Variants in SYNE1 observed in about 807,000 individuals in gnomAD.
SYNE1 encodes the protein spectrin repeat containing nuclear envelope protein 1.
A neutral mutation model predicts 1,111.0 loss-of-function variants in SYNE1; 616 were observed. The ratio of observed to expected loss-of-function variants is 0.55; its 90% CI spans 0.52 to 0.59. The LOEUF (loss-of-function observed/expected upper bound fraction) is 0.59. Ranked by LOEUF, SYNE1 falls within the 20% of genes least tolerant of loss-of-function variation. The pLI is 0.00. For missense variants in SYNE1, 10,006 were observed against 10,417.0 expected (o/e 0.96, Z 1.72); for synonymous variants, 3,855 against 3,825.8 (o/e 1.01, Z -0.28).
intron 72 of SYNE1, among the ~76,000 whole-genome samples, chr6:152,349,042 A>G (rs1263101329): frequency 6.6e-6 from 1 of 152,172 alleles, no homozygotes; most frequent in Admixed American, 6.5e-5. Flanking sequence ...TTTTTTATTC[A>G]TATTTGTTAA....
chr6:152,136,272 C>T (rs1173168554), intron 141 of SYNE1, among the ~76,000 whole-genome samples: 2 of 152,218 alleles, frequency 1.3e-5, no homozygotes, highest in Non-Finnish European at 2.9e-5. Flanking sequence ...GCAATGCTCA[C>T]TTTGATGTTC....
intron 11 of SYNE1, among the ~76,000 whole-genome samples, chr6:152,491,755 T>C (rs1271833822): frequency 6.6e-6 from 1 of 152,030 alleles, no homozygotes; most frequent in Non-Finnish European, 1.5e-5. Flanking sequence ...AAATCTTCTT[T>C]CTCTCCTGTC....
chr6:152,390,849 C>T, intron 52 of SYNE1, among the ~76,000 whole-genome samples: 1 of 152,120 alleles, frequency 6.6e-6, no homozygotes, highest in East Asian at 1.9e-4. Context: ...GGTTGGTGAT[C>T]TCCTCTGAGC....
intron 3 of SYNE1, among the ~76,000 whole-genome samples, chr6:152,578,678 C>G (rs1428888338): frequency 6.6e-6 from 1 of 152,132 alleles, no homozygotes; most frequent in Non-Finnish European, 1.5e-5. Flanking sequence ...TCAAGATTCC[C>G]TTTGAAATTT....
rs553814895 is a variant in SYNE1 at position 152,214,057 on chromosome 6, C to T, written c.22347-298G>A. On this transcript the variant is annotated intron_variant, in intron 122 of 145. Transcript: ENST00000367255. ...CTCTACTAAAAATACAAAAATTAGCCGGGTGTGGTGGTGTGTGACTGTAAT... is the reference window on the plus strand; with the variant it reads ...CTCTACTAAAAATACAAAAATTAGCTGGGTGTGGTGGTGTGTGACTGTAAT... Among the ~76,000 whole-genome samples, 10 of 151,736 alleles carry T rather than the reference C, an allele frequency of 6.6e-5. No individual in the cohort carries two copies. The South Asian group carries it at 1.0e-3, about 16-fold the overall frequency.
intron 6 of SYNE1, among the ~76,000 whole-genome samples, chr6:152,512,858 A>G (rs2099092159): frequency 6.6e-6 from 1 of 152,196 alleles, no homozygotes; most frequent in African/African-American, 2.4e-5. Flanking sequence ...CTAGGAGGGT[A>G]GGATGGGCAA....
chr6:152,344,002 C>T (rs2096586066), intron 74 of SYNE1, 79 bp downstream of exon 74: 4 of 1,592,920 alleles, frequency 2.5e-6, no homozygotes, highest in Admixed American at 1.7e-5. Flanking sequence ...CAGTTTGGCA[C>T]ATCATAGGTA....
chr6:152,295,841 T>C (rs1248842318), intron 93 of SYNE1, among the ~76,000 whole-genome samples: 1 of 152,216 alleles, frequency 6.6e-6, no homozygotes, highest in East Asian at 1.9e-4. Flanking sequence ...ATTAACATCC[T>C]CTCTGGCTTT....
rs915156416 is a variant in SYNE1, at chr6:152,447,230, G to T, written c.3669+228C>A. On this transcript the variant is annotated intron_variant, in intron 29 of 145. Transcript: ENST00000367255. ...TGGATTTGACAAGTTTTATATTTCA[G>T]ATATAGGTCATGAACCTGAACTAAC... Among the ~76,000 whole-genome samples, 11 of 152,096 alleles carry T rather than the reference G, an allele frequency of 7.2e-5. 1 individual carries two copies. Among genetic ancestry groups the T allele is most frequent in the Admixed American group, 6.5e-4 (10 of 15,276 alleles).
rs1201231446 is a variant in SYNE1 at position 152,290,847 on chromosome 6, C to A, written c.18012+2741G>T. The stretch of plus-strand genomic sequence containing the variant: ...TGCTTGACATTTTTAAAGTACCATT[C>A]CTGAAGCTAAGAACAAATTTAGATA... On this transcript the variant is annotated intron_variant, in intron 95 of 145. Coordinates refer to ENST00000367255, the MANE Select transcript of SYNE1 (RefSeq NM_182961.4). Among the ~76,000 whole-genome samples the A allele has an allele frequency of 2.0e-5, 3 of 151,900 alleles. No individual in the cohort carries two copies. The East Asian group carries it at 5.8e-4, about 29-fold the overall frequency.
chr6:152,352,425 TGGAG>T, intron 69 of SYNE1, 72 bp from the exon 70 acceptor site: 1 of 1,432,154 alleles, frequency 7.0e-7, no homozygotes, highest in Non-Finnish European at 9.6e-7. Flanking sequence ...TTTTTTGAGA[TGGAG>T]TTTCACTTTG....
At chr6:152,375,816 G>A (rs1311786786) in intron 58 of SYNE1, among the ~76,000 whole-genome samples, 1 of 152,078 alleles carries the variant, frequency 6.6e-6, no homozygotes, top group Non-Finnish European at 1.5e-5. Context: ...ATTATTTCCT[G>A]GATCACCATT....
In SYNE1 at chr6:152,377,602, C is replaced by T. The variant is rs185056400; in HGVS notation, c.9010-690G>A. 3.9e-3 allele frequency among the ~76,000 whole-genome samples: 316 copies of T among 81,718 alleles called. 1 individual carries two copies. The highest frequency in any genetic ancestry group is 0.016 in the African/African-American group (305 of 18,850). The allele number at this position is 81,718 out of a possible 152,430, so 53.6% of individuals were successfully genotyped here. A position where few individuals can be genotyped will look rare whatever the true frequency, so the allele number is the denominator to read the frequency against. ...CCAGCCTGGGGGACAGAACGAAACT[C>T]CGTCTTAAAAAAAAAAAAAAAAAAA... On this transcript the variant is annotated intron_variant, in intron 56 of 145. Transcript: ENST00000367255.
At chr6:152,206,441 A>T in intron 125 of SYNE1, 79 bp from the exon 126 acceptor site, 1 of 1,526,580 alleles carries the variant, frequency 6.6e-7, no homozygotes, top group Non-Finnish European at 9.0e-7. Context: ...AAATGGCCCT[A>T]ACTTTTGCCC....
intron 136 of SYNE1, 77 bp downstream of exon 136, chr6:152,149,400 A>G: frequency 1.3e-6 from 2 of 1,560,628 alleles, no homozygotes; most frequent in Non-Finnish European, 1.8e-6. Context: ...GCTCTCACCC[A>G]CTATCAATAC....
At chr6:152,192,165 C>T (rs186276090) in intron 127 of SYNE1, among the ~76,000 whole-genome samples, 2 of 152,320 alleles carry the variant, frequency 1.3e-5, no homozygotes, top group East Asian at 3.9e-4. Flanking sequence ...TGTGGCCTAA[C>T]ATATAGTCTA....
chr6:152,603,536 A>T (rs747090715), intron 3 of SYNE1, among the ~76,000 whole-genome samples: 2 of 151,808 alleles, frequency 1.3e-5, no homozygotes, highest in Non-Finnish European at 2.9e-5. Flanking sequence ...ATGTGACAGG[A>T]GTTATTCTGT....
chr6:152,514,382 A>G (rs2099100713), intron 6 of SYNE1, among the ~76,000 whole-genome samples: 1 of 152,228 alleles, frequency 6.6e-6, no homozygotes, highest in African/African-American at 2.4e-5. Flanking sequence ...ACAAGAACAG[A>G]AAACCAAGCT....
chr6:152,143,836 G>T (rs951408107), intron 137 of SYNE1, 71 bp from the exon 138 acceptor site: 20 of 1,606,348 alleles, frequency 1.2e-5, no homozygotes, highest in Non-Finnish European at 1.6e-5. Flanking sequence ...TATTCAAGGA[G>T]AAGTTTCAGA....
Sources: allele counts gnomAD v4.1 joint callset (sites outside exome capture counted in the v4.1 genomes callset), GRCh38; gene constraint gnomAD v4.1.1; transcripts MANE v1.5; gene names NCBI Gene and HGNC (gene_info 2026-07-23, HGNC 2026-07-21).